The following THBS4 variants were observed in gnomAD, a reference collection of about 807,000 sequenced individuals.
The protein encoded by THBS4 is thrombospondin-4.
A neutral mutation model predicts 115.7 loss-of-function variants in THBS4; 90 were observed. That is an observed-to-expected ratio of 0.78 (90% CI 0.66 to 0.93). The LOEUF (loss-of-function observed/expected upper bound fraction) is 0.93, where lower values mean the gene tolerates loss of function less well. Ranked by LOEUF, THBS4 falls within the 40% of genes least tolerant of loss-of-function variation. The probability of loss-of-function intolerance (pLI) is 0.00; values close to 1 mark genes in which losing one functional copy is unlikely to be tolerated. For missense variants in THBS4, 1,087 were observed against 1,232.7 expected (o/e 0.88, Z 1.77); for synonymous variants, 460 against 479.3 (o/e 0.96, Z 0.53).
At chr5:80,023,722 T>A (rs968403794) in intron 2 of THBS4, among the ~76,000 whole-genome samples, 1 of 152,216 alleles carries the variant, frequency 6.6e-6, no homozygotes, top group South Asian at 2.1e-4. Context: ...AAGTTCAAGT[T>A]TGGGCATCCA....
At chr5:80,027,627 G>T (rs1390661069) in intron 2 of THBS4, among the ~76,000 whole-genome samples, 1 of 152,046 alleles carries the variant, frequency 6.6e-6, no homozygotes, top group Non-Finnish European at 1.5e-5. Flanking sequence ...AGGACACAGC[G>T]GCTCACACCT....
Position 80,071,012 on chromosome 5 carries a change from A to C in THBS4, c.1561-9A>C. ...AGTCTGAGTGATGTTCTGTCCTTTC[A>C]TCTTTTAGGATAACTGTGTCCTGAT... On this transcript the variant is annotated splice_polypyrimidine_tract_variant and intron_variant, in intron 12 of 21. Coordinates refer to ENST00000350881, the MANE Select transcript of THBS4 (RefSeq NM_003248.6). 1 of 1,612,096 alleles carries C rather than the reference A, an allele frequency of 6.2e-7. No individual in the cohort carries two copies. Among genetic ancestry groups the C allele is most frequent in the Non-Finnish European group, 8.5e-7 (1 of 1,179,626 alleles).
intron 20 of THBS4, among the ~76,000 whole-genome samples, chr5:80,080,416 G>T (rs1743428240): frequency 6.6e-6 from 1 of 151,762 alleles, no homozygotes; most frequent in African/African-American, 2.4e-5. Flanking sequence ...TCGGTATGAG[G>T]TAAGAGGTGT....
intron 9 of THBS4, 121 bp from the exon 10 acceptor site, chr5:80,067,852 T>C: frequency 8.8e-7 from 1 of 1,141,016 alleles, no homozygotes; most frequent in Non-Finnish European, 1.2e-6. Context: ...GGCATGGATC[T>C]GATGCCTGAT....
Position 80,079,085 on chromosome 5 carries a change from G to C in THBS4, c.2338G>C (p.Asp780His), listed in dbSNP as rs1221694967. 4 of 1,613,688 alleles carry C rather than the reference G, an allele frequency of 2.5e-6. No individual in the cohort carries two copies. The South Asian group carries it at 4.4e-5, about 18-fold the overall frequency. Residue 780 changes from aspartate (D) to histidine (H), a missense_variant, in exon 19 of 22, where the codon GAC becomes CAC. Asp to His is a moderately conservative substitution (Grantham distance 81). Coordinates refer to ENST00000350881, the MANE Select transcript of THBS4 (RefSeq NM_003248.6). Reference protein sequence around the residue: ...AVGYTAFNGVDFEGTFHVNTQ... With the variant: ...AVGYTAFNGVHFEGTFHVNTQ... ...AGGGTACACAGCTTTTAATGGAGTT[G>C]ACTTCGAAGGGACCTTCCATGTGAA...
Position 80,059,725 on chromosome 5 carries a change from G to A in THBS4, c.807G>A (p.Pro269=), listed in dbSNP as rs1205809686. Residue 269 remains proline (P), a synonymous_variant, in exon 7 of 22, where the codon CCG becomes CCA. Transcript: ENST00000350881. ...QACGPLKFQS[P]TPSTVVPPAP... Reference sequence around the variant, plus strand: ...TAGGTCCTCTCAAGTTTCAGTCTCCGACCCCAAGCACGGTGGTGCCCCCGG... The same window carrying A: ...TAGGTCCTCTCAAGTTTCAGTCTCCAACCCCAAGCACGGTGGTGCCCCCGG... 7 of 1,613,982 alleles carry A rather than the reference G, an allele frequency of 4.3e-6. No individual in the cohort carries two copies. Among genetic ancestry groups the A allele is most frequent in the East Asian group, 2.2e-5 (1 of 44,888 alleles).
chr5:79,998,038 G>A (rs1831829762), intron 1 of THBS4, among the ~76,000 whole-genome samples: 1 of 152,124 alleles, frequency 6.6e-6, no homozygotes, highest in South Asian at 2.1e-4. Flanking sequence ...AAGGACTTGG[G>A]TCCAAAACAT....
chr5:80,037,133 A>T lies in THBS4; in HGVS notation c.88+1508A>T, dbSNP rs993680006. Among the ~76,000 whole-genome samples, 4 of 152,184 alleles carry T rather than the reference A, an allele frequency of 2.6e-5. No individual in the cohort carries two copies. The East Asian group carries it at 7.7e-4, about 29-fold the overall frequency. On this transcript the variant is annotated intron_variant, in intron 1 of 21. Transcript: ENST00000350881. Reference sequence around the variant, plus strand: ...TGGCAAGTTCAAATTTATAGGTATAATTTTTTTGTGTTATATACGTTCTTG... The same window carrying T: ...TGGCAAGTTCAAATTTATAGGTATATTTTTTTTGTGTTATATACGTTCTTG...
In THBS4 at chr5:80,061,739, G is replaced by C; in HGVS notation, c.1032G>C (p.Leu344Phe). Residue 344 changes from leucine (L) to phenylalanine (F), a missense_variant, in exon 8 of 22, where the codon TTG becomes TTC. Coordinates refer to ENST00000350881, the MANE Select transcript of THBS4 (RefSeq NM_003248.6). ...PCYPGVHCINLSPGFRCDACP... is the reference protein window; with the variant it reads ...PCYPGVHCINFSPGFRCDACP... ...ACCCGGGCGTGCACTGCATAAATTT[G>C]TCTCCTGGCTTCAGATGTGACGCCT... The C allele has an allele frequency of 6.2e-7, 1 of 1,614,136 alleles. No homozygotes were observed. The highest frequency in any genetic ancestry group is 1.7e-5 in the Admixed American group (1 of 60,032).
At chr5:80,048,452 A>G (rs1294807398) in intron 2 of THBS4, among the ~76,000 whole-genome samples, 1 of 152,216 alleles carries the variant, frequency 6.6e-6, no homozygotes, top group African/African-American at 2.4e-5. Context: ...GAAGTTTCAT[A>G]GGCACTTAAG....
chr5:80,040,029 C>T (rs1412606451), intron 1 of THBS4, 48 bp from the exon 2 acceptor site: 1 of 1,574,974 alleles, frequency 6.3e-7, no homozygotes, highest in South Asian at 1.1e-5. Context: ...CCTGTTTTCC[C>T]CAAAATTGAA....
At chr5:80,077,421 A>G (rs996916883) in intron 16 of THBS4, among the ~76,000 whole-genome samples, 1 of 152,202 alleles carries the variant, frequency 6.6e-6, no homozygotes, top group Non-Finnish European at 1.5e-5. Context: ...GATAGAGAGA[A>G]TGGCACAGTA....
At chr5:80,025,111 G>A (rs996809438) in intron 2 of THBS4, among the ~76,000 whole-genome samples, 2 of 152,118 alleles carry the variant, frequency 1.3e-5, no homozygotes, top group Admixed American at 1.3e-4. Flanking sequence ...TCAAATATAA[G>A]ACAAAGCTCC....
chr5:80,004,976 G>A (rs1279562390), intron 2 of THBS4, among the ~76,000 whole-genome samples: 2 of 152,200 alleles, frequency 1.3e-5, no homozygotes, highest in African/African-American at 4.8e-5. Flanking sequence ...GACTTCAGGT[G>A]ATCCACCCTC....
chr5:80,060,715 C>T (rs1183719232), intron 7 of THBS4, among the ~76,000 whole-genome samples: 1 of 152,070 alleles, frequency 6.6e-6, no homozygotes, highest in East Asian at 1.9e-4. Context: ...GCCATGATGG[C>T]ACCACTGCAC....
At position 80,076,840 on chromosome 5, in the gene THBS4, TC is replaced by T. The variant is rs1743240781; in HGVS notation, c.1893-13del. 6.5e-7 allele frequency: 1 copy of T among 1,548,320 alleles called. No homozygotes were observed. Among genetic ancestry groups the T allele is most frequent in the African/African-American group, 1.4e-5 (1 of 73,206 alleles). On this transcript the variant is annotated splice_polypyrimidine_tract_variant and intron_variant, in intron 15 of 21. Transcript: ENST00000350881. The stretch of plus-strand genomic sequence containing the variant: ...GCTGAACTGTGAGCCACATCACCTG[TC>T]CTTTCTCCTGCAGTGATGGAGATGG...
rs17882731 is a variant in THBS4, at chr5:80,036,039, A to G, written c.88+414A>G. 2.8e-3 allele frequency: 2,791 copies of G among 996,188 alleles called. 68 individuals are homozygous for G. The African/African-American group carries it at 0.045, about 16-fold the overall frequency. The allele number at this position is 996,188 out of a possible 1,614,324, so 61.7% of individuals were successfully genotyped here. On this transcript the variant is annotated intron_variant, in intron 1 of 21. Transcript: ENST00000350881. ...TCCTCAGGCGGAGCGATGTATGCCC[A>G]GAGTCTGCTCTTGACATCCCTGAGA... is the stretch of plus-strand genomic sequence containing the variant.
chr5:80,070,787 G>T, intron 12 of THBS4, 37 bp downstream of exon 12: 1 of 1,601,828 alleles, frequency 6.2e-7, no homozygotes, highest in East Asian at 2.2e-5. Flanking sequence ...GAATTGCCAC[G>T]TACCAGGGAT....
intron 2 of THBS4, chr5:80,053,277 A>G (rs958844581): frequency 2.0e-5 from 3 of 152,018 alleles, no homozygotes; most frequent in African/African-American, 4.8e-5. Context: ...ATTCCATAGT[A>G]TTCCATTTTA....
Sources: allele counts gnomAD v4.1 joint callset (sites outside exome capture counted in the v4.1 genomes callset), GRCh38; gene constraint gnomAD v4.1.1; transcripts MANE v1.5; gene names NCBI Gene and HGNC (gene_info 2026-07-23, HGNC 2026-07-21).